Variants in NAA50 observed in about 807,000 individuals in gnomAD.
The protein encoded by NAA50 is N-alpha-acetyltransferase 50, NatE catalytic subunit, also known as N-alpha-acetyltransferase 50.
In NAA50, 7 loss-of-function variants were observed where a neutral mutation model predicts 20.7. That is an observed-to-expected ratio of 0.34 (90% CI 0.19 to 0.63). The LOEUF is 0.63. NAA50 is among the 30% of genes least tolerant of loss of function. The pLI is 0.75. For synonymous variants in NAA50, 54 were observed against 70.6 expected, an observed-to-expected ratio of 0.77 and a Z score of 1.18; for missense variants, 111 against 199.1, an observed-to-expected ratio of 0.56 and a Z score of 2.66.
rs1164986643 is a variant in NAA50, at chr3:113,721,577, T to C, written c.*183A>G. ...AAAATAAGAGAAAACAATTCAAACATGATTATTTTTTTAAAGTCCTTGAAA... is the reference window on the plus strand; with the variant it reads ...AAAATAAGAGAAAACAATTCAAACACGATTATTTTTTTAAAGTCCTTGAAA... On this transcript the variant is annotated 3_prime_UTR_variant, in exon 5 of 5. Transcript: ENST00000240922. The C allele has an allele frequency of 1.5e-6, 1 of 645,846 alleles. No homozygotes were observed. The highest frequency in any genetic ancestry group is 2.6e-6 in the Non-Finnish European group (1 of 380,774). 40.0% of individuals were successfully genotyped at this position (645,846 alleles called of 1,614,324 possible). A position where few individuals can be genotyped will look rare whatever the true frequency, so the allele number is the denominator to read the frequency against.
At chr3:113,723,331 A>G (rs1244379209) in intron 3 of NAA50, 91 bp downstream of exon 3, 1 of 1,286,110 alleles carries the variant, frequency 7.8e-7, no homozygotes, top group Non-Finnish European at 1.1e-6. Context: ...GTATTCCTTA[A>G]AAAGACCCAA....
At position 113,723,990 on chromosome 3, in the gene NAA50, A is replaced by T; in HGVS notation, c.114T>A (p.Asp38Glu). The change falls in exon 2 of 5, where the codon GAT (aspartate) becomes GAA (glutamate). Residue 38 changes from aspartate (D) to glutamate (E), a missense_variant. Asp to Glu is a conservative substitution (Grantham distance 45, BLOSUM62 2). Transcript: ENST00000240922. ...PVSYNDKFYK[D>E]VLEVGELAKL... ...TTGCTAGCTCGCCAACCTCCAGCAC[A>T]TCCTTGTAGAACTTGTCATTGTAGC... 2 of 1,604,010 alleles carry T rather than the reference A, an allele frequency of 1.2e-6. No homozygotes were observed. The highest frequency in any genetic ancestry group is 1.7e-6 in the Non-Finnish European group (2 of 1,175,636).
At chr3:113,732,903 A>G (rs1007703390) in intron 1 of NAA50, among the ~76,000 whole-genome samples, 2 of 151,722 alleles carry the variant, frequency 1.3e-5, no homozygotes, top group Admixed American at 1.3e-4. Flanking sequence ...GTTTCTCTAT[A>G]CCTTTTATTG....
intron 1 of NAA50, among the ~76,000 whole-genome samples, chr3:113,737,703 C>A (rs1289102509): frequency 1.3e-5 from 2 of 152,178 alleles, no homozygotes; most frequent in Non-Finnish European, 2.9e-5. Flanking sequence ...GCATTTGGGG[C>A]TACATTATTC....
At chr3:113,744,937 G>A (rs906348783) in intron 1 of NAA50, among the ~76,000 whole-genome samples, 3 of 152,200 alleles carry the variant, frequency 2.0e-5, no homozygotes, top group African/African-American at 7.2e-5. Flanking sequence ...TAGTTGGAAT[G>A]ACTTCGTTAA....
intron 2 of NAA50, 70 bp downstream of exon 2, chr3:113,723,889 T>C: frequency 7.0e-7 from 1 of 1,419,944 alleles, no homozygotes; most frequent in South Asian, 1.7e-5. Context: ...TCTTCTGCTC[T>C]ATAAAAAACT....
chr3:113,740,938 CAGA>C (rs1192251022), intron 1 of NAA50: 34 of 508,194 alleles, frequency 6.7e-5, no homozygotes, highest in South Asian at 4.9e-4. Context: ...GCGATGGTAA[CAGA>C]AGCTTTATCA....
At chr3:113,732,668 C>T (rs533668553) in intron 1 of NAA50, among the ~76,000 whole-genome samples, 1 of 152,294 alleles carries the variant, frequency 6.6e-6, no homozygotes, top group East Asian at 1.9e-4. Context: ...ACATTCAGGA[C>T]CTGCTCTAAT....
chr3:113,732,683 A>G (rs984705838), intron 1 of NAA50, among the ~76,000 whole-genome samples: 59 of 152,272 alleles, frequency 3.9e-4, no homozygotes, highest in African/African-American at 1.3e-3. Context: ...TCTAATTCAT[A>G]TGAACTCAAT....
At chr3:113,742,058 T>C (rs1358629624) in intron 1 of NAA50, among the ~76,000 whole-genome samples, 3 of 152,226 alleles carry the variant, frequency 2.0e-5, no homozygotes, top group African/African-American at 7.2e-5. Flanking sequence ...GGTTATATTT[T>C]ATATGAATTC....
chr3:113,734,989 G>C (rs1233302559), intron 1 of NAA50, among the ~76,000 whole-genome samples: 2 of 152,128 alleles, frequency 1.3e-5, no homozygotes, highest in Non-Finnish European at 2.9e-5. Context: ...AAATGCACTT[G>C]GACTTTTTAA....
In NAA50 at chr3:113,717,272, T is replaced by C. The variant is rs922890786; in HGVS notation, c.*4488A>G. ...TTGCTTGAATCTGGGAGGCGGAGTT[T>C]GCAGTGAGCCAAGATCGCGCCACTG... On this transcript the variant is annotated 3_prime_UTR_variant, in exon 5 of 5. Transcript: ENST00000240922. The C allele has an allele frequency of 2.0e-5, 3 of 152,252 alleles. No homozygotes were observed. Among genetic ancestry groups the C allele is most frequent in the Non-Finnish European group, 4.4e-5 (3 of 68,110 alleles). The allele number at this position is 152,252 out of a possible 1,614,324, so 9.4% of individuals were successfully genotyped here.
Position 113,722,265 on chromosome 3 carries a change from TG to T in NAA50, c.333-329del, listed in dbSNP as rs143337457. 5.9e-3 allele frequency among the ~76,000 whole-genome samples: 893 copies of T among 152,002 alleles called. 13 individuals carry two copies. Among genetic ancestry groups the T allele is most frequent in the African/African-American group, 0.021 (851 of 41,464 alleles). On this transcript the variant is annotated intron_variant, in intron 4 of 4. Coordinates refer to ENST00000240922, the MANE Select transcript of NAA50 (RefSeq NM_025146.4). ...GCCCTATTAACACACAGAAAAAAAA[TG>T]ATGAAAAATAAAAAACTAGGGTCTC...
Position 113,726,265 on chromosome 3 carries a change from T to TA in NAA50, c.9-2171dup, listed in dbSNP as rs147258939. On this transcript the variant is annotated intron_variant, in intron 1 of 4. Transcript: ENST00000240922. ...CATAGGAAGTTTAAAAAAGTAAAAA[T>TA]AAAAAAATAGACATTTTCTTGTTAT... Among the ~76,000 whole-genome samples the TA allele has an allele frequency of 8.8e-3, 1,346 of 152,096 alleles. 18 individuals are homozygous for TA. Among genetic ancestry groups the TA allele is most frequent in the African/African-American group, 0.031 (1,274 of 41,504 alleles).
intron 1 of NAA50, among the ~76,000 whole-genome samples, chr3:113,732,820 C>A (rs977720953): frequency 2.0e-5 from 3 of 152,136 alleles, no homozygotes; most frequent in Non-Finnish European, 4.4e-5. Context: ...CCAGTGAAAC[C>A]CATTTCAGAC....
intron 1 of NAA50, among the ~76,000 whole-genome samples, chr3:113,744,265 C>G (rs534375338): frequency 1.3e-5 from 2 of 152,024 alleles, no homozygotes; most frequent in South Asian, 4.1e-4. Flanking sequence ...AGTTTGAGAC[C>G]AGCCTGGCCA....
At chr3:113,726,475 T>C (rs1251581074) in intron 1 of NAA50, among the ~76,000 whole-genome samples, 2 of 143,190 alleles carry the variant, frequency 1.4e-5, no homozygotes, top group Admixed American at 6.9e-5. Flanking sequence ...CCCCACTATC[T>C]ACCATTCACA....
chr3:113,721,130 T>G lies in NAA50; in HGVS notation c.*630A>C, dbSNP rs1304297479. 4 of 152,718 alleles carry G rather than the reference T, an allele frequency of 2.6e-5. No individual in the cohort carries two copies. Among genetic ancestry groups the G allele is most frequent in the Non-Finnish European group, 1.5e-5 (1 of 68,032 alleles). 9.5% of individuals were successfully genotyped at this position (152,718 alleles called of 1,614,324 possible). On this transcript the variant is annotated 3_prime_UTR_variant, in exon 5 of 5. Coordinates refer to ENST00000240922, the MANE Select transcript of NAA50 (RefSeq NM_025146.4). ...AAAAAAGCAGTTTAACTCAAATACT[T>G]AGACCAAAGTATAACACTAAACCAA...
At chr3:113,739,973 C>A (rs1363999847) in intron 1 of NAA50, among the ~76,000 whole-genome samples, 1 of 152,122 alleles carries the variant, frequency 6.6e-6, no homozygotes, top group Non-Finnish European at 1.5e-5. Context: ...GGGAAGAAAT[C>A]ATTTCAACAT....
Sources: gnomAD v4.1 joint callset for allele counts (sites outside exome capture counted in the v4.1 genomes callset) on GRCh38, gnomAD v4.1.1 for gene constraint, MANE v1.5 for transcripts, NCBI Gene and HGNC (gene_info 2026-07-23, HGNC 2026-07-21) for gene names.